ARFGEF1: variants seen among roughly 807,000 people sequenced by gnomAD.
The protein encoded by ARFGEF1 is brefeldin A-inhibited guanine nucleotide-exchange protein 1.
ARFGEF1 carries 42 observed loss-of-function variants against 231.0 expected under a neutral mutation model. That is an observed-to-expected ratio of 0.18 (90% CI 0.14 to 0.24). The LOEUF is 0.24. Ranked by LOEUF, ARFGEF1 falls within the 10% of genes least tolerant of loss-of-function variation. ARFGEF1 has a pLI of 1.00. For synonymous variants in ARFGEF1, 710 were observed against 732.3 expected, an observed-to-expected ratio of 0.97 and a Z score of 0.49; for missense variants, 1,345 against 2,192.0, an observed-to-expected ratio of 0.61 and a Z score of 7.72.
At chr8:67,270,592 C>T (rs985637933) in intron 10 of ARFGEF1, among the ~76,000 whole-genome samples, 2 of 151,142 alleles carry the variant, frequency 1.3e-5, no homozygotes, top group African/African-American at 4.9e-5. Flanking sequence ...AACATCACAA[C>T]CAAAACAACA....
chr8:67,182,189 G>C (rs761305363), intron 5 of ARFGEF1, among the ~76,000 whole-genome samples: 4 of 152,084 alleles, frequency 2.6e-5, no homozygotes, highest in Non-Finnish European at 5.9e-5. Context: ...TTTTTGTAGA[G>C]ACAGGGTTTC....
At chr8:67,191,597 A>G (rs1465298225) in intron 5 of ARFGEF1, among the ~76,000 whole-genome samples, 1 of 152,212 alleles carries the variant, frequency 6.6e-6, no homozygotes, top group East Asian at 1.9e-4. Flanking sequence ...AGCATGTGCC[A>G]GTACTGAAGC....
In ARFGEF1 at chr8:67,272,073, A is replaced by G. The variant is rs541679897; in HGVS notation, c.1338-137T>C. On this transcript the variant is annotated intron_variant, in intron 9 of 38. Coordinates refer to ENST00000262215, the MANE Select transcript of ARFGEF1 (RefSeq NM_006421.5). ...TAAATGGAGAGGAAGAGAAAATTCT[A>G]TAACATAAAAAAAGTACAGTACATG... 2.3e-4 allele frequency: 142 copies of G among 618,208 alleles called. 1 individual carries two copies. Among genetic ancestry groups the G allele is most frequent in the South Asian group, 1.4e-3 (63 of 45,700 alleles). 38.3% of individuals were successfully genotyped at this position (618,208 alleles called of 1,614,324 possible).
At chr8:67,206,410 TAAAAAA>T (rs747164390) in intron 34 of ARFGEF1, among the ~76,000 whole-genome samples, 6 of 102,040 alleles carry the variant, frequency 5.9e-5, no homozygotes, top group East Asian at 2.6e-4. Context: ...ATTTTATCTT[TAAAAAA>T]AAAAAAAAAA....
intron 1 of ARFGEF1, among the ~76,000 whole-genome samples, chr8:67,335,707 C>T (rs1808313656): frequency 6.6e-6 from 1 of 151,930 alleles, no homozygotes. Flanking sequence ...CATGGCGTTT[C>T]CTAAAGACAC....
intron 23 of ARFGEF1, among the ~76,000 whole-genome samples, chr8:67,232,025 C>T (rs1391453583): frequency 6.6e-6 from 1 of 151,830 alleles, no homozygotes; most frequent in Non-Finnish European, 1.5e-5. Flanking sequence ...GGAAAAAGTT[C>T]CATGGAGTAC....
In ARFGEF1 at chr8:67,321,160, T is replaced by C. The variant is rs182334969; in HGVS notation, c.125-18694A>G. On this transcript the variant is annotated intron_variant, in intron 1 of 38. Transcript: ENST00000262215. ...ATGTGAGAAATGGTGTGACTATAAGTATGGGGGGGGGTTTGGGGGTGCTAA... is the reference window on the plus strand; with the variant it reads ...ATGTGAGAAATGGTGTGACTATAAGCATGGGGGGGGGTTTGGGGGTGCTAA... 2.3e-5 allele frequency among the ~76,000 whole-genome samples: 3 copies of C among 132,746 alleles called. No individual in the cohort carries two copies. In the East Asian group the frequency reaches 7.5e-4, roughly 33 times the overall value. The allele number at this position is 132,746 out of a possible 152,430, so 87.1% of individuals were successfully genotyped here.
At chr8:67,179,881 G>C in intron 5 of ARFGEF1, 1 of 1,595,602 alleles carries the variant, frequency 6.3e-7, no homozygotes, top group Non-Finnish European at 8.6e-7. Context: ...TGACACTAGT[G>C]ATTTCTTGAA....
chr8:67,247,566 A>C (rs1259572874), intron 19 of ARFGEF1, among the ~76,000 whole-genome samples: 1 of 150,462 alleles, frequency 6.6e-6, no homozygotes, highest in Non-Finnish European at 1.5e-5. Context: ...AATATTCCTC[A>C]ACACAATGAA....
At chr8:67,340,857 C>G (rs1181075528) in intron 1 of ARFGEF1, among the ~76,000 whole-genome samples, 1 of 152,070 alleles carries the variant, frequency 6.6e-6, no homozygotes, top group African/African-American at 2.4e-5. Context: ...AATAGACAAC[C>G]CTGGTACAGT....
Position 67,258,222 on chromosome 8 carries a change from G to A in ARFGEF1, c.2304C>T (p.Asp768=). The change falls in exon 16 of 39, where the codon GAC becomes GAT. Residue 768 remains aspartate (D), a synonymous_variant. Coordinates refer to ENST00000262215, the MANE Select transcript of ARFGEF1 (RefSeq NM_006421.5). Reference sequence around the variant, plus strand: ...AGTCTTTTCCTGAAAAGTCATGTTGGTCCACATATGCATACATGACTTCTT... The same window carrying A: ...AGTCTTTTCCTGAAAAGTCATGTTGATCCACATATGCATACATGACTTCTT... ...FNKEVMYAYV[D]QHDFSGKDFV... 1.9e-6 allele frequency: 3 copies of A among 1,611,316 alleles called. No homozygotes were observed. The highest frequency in any genetic ancestry group is 2.5e-6 in the Non-Finnish European group (3 of 1,177,728).
chr8:67,318,955 AC>A (rs1273551746), intron 1 of ARFGEF1, among the ~76,000 whole-genome samples: 1 of 152,248 alleles, frequency 6.6e-6, no homozygotes, highest in Non-Finnish European at 1.5e-5. Flanking sequence ...ACAGAACGAG[AC>A]CCTGTCTCAA....
At chr8:67,275,235 A>T (rs938829390) in intron 9 of ARFGEF1, among the ~76,000 whole-genome samples, 1 of 73,264 alleles carries the variant, frequency 1.4e-5, no homozygotes, top group East Asian at 4.0e-4. Context: ...ATTGCAATAC[A>T]TCATGCTGCA....
rs757218498 is a variant in ARFGEF1 at position 67,238,905 on chromosome 8, A to C, written c.2980-12T>G. 6.2e-7 allele frequency: 1 copy of C among 1,611,410 alleles called. No homozygotes were observed. Among genetic ancestry groups the C allele is most frequent in the Non-Finnish European group, 8.5e-7 (1 of 1,177,936 alleles). ...GCATCTCTCTCCAGCTATAAAAAAG[A>C]GAAAAGTATGTTTACACAGTTCTAA... On this transcript the variant is annotated splice_polypyrimidine_tract_variant and intron_variant, in intron 20 of 38. Transcript: ENST00000262215.
chr8:67,176,262 A>G (rs1288752930), intron 5 of ARFGEF1, among the ~76,000 whole-genome samples: 1 of 152,150 alleles, frequency 6.6e-6, no homozygotes. Flanking sequence ...AGATAACAAG[A>G]GTGGAAGGGA....
intron 1 of ARFGEF1, among the ~76,000 whole-genome samples, chr8:67,322,171 C>G (rs1354334662): frequency 6.6e-6 from 1 of 152,106 alleles, no homozygotes; most frequent in Non-Finnish European, 1.5e-5. Context: ...CAACTAAAAC[C>G]CCTTTCAGTG....
chr8:67,209,175 G>T (rs1838632013), intron 34 of ARFGEF1, among the ~76,000 whole-genome samples: 1 of 152,198 alleles, frequency 6.6e-6, no homozygotes, highest in Non-Finnish European at 1.5e-5. Context: ...ACAACTACAG[G>T]TGAAACAAAT....
chr8:67,299,068 G>T, intron 4 of ARFGEF1, 141 bp downstream of exon 4: 1 of 785,310 alleles, frequency 1.3e-6, no homozygotes, highest in Non-Finnish European at 1.9e-6. Flanking sequence ...ACAGGCATGA[G>T]CCACTGAGCC....
rs1805664583 is a variant in ARFGEF1, at chr8:67,284,406, T to C, written c.1027+3549A>G. 1.3e-5 allele frequency among the ~76,000 whole-genome samples: 2 copies of C among 152,144 alleles called. 1 individual carries two copies. The highest frequency in any genetic ancestry group is 4.8e-5 in the African/African-American group (2 of 41,444). ...CAGAGAAGGAAGGAGCTGATGGAGT[T>C]CTCCAAGTAAGCCTTTTATGTAATT... On this transcript the variant is annotated intron_variant, in intron 7 of 38. Coordinates refer to ENST00000262215, the MANE Select transcript of ARFGEF1 (RefSeq NM_006421.5).
Sources: gnomAD v4.1 joint callset for allele counts (sites outside exome capture counted in the v4.1 genomes callset) on GRCh38, gnomAD v4.1.1 for gene constraint, MANE v1.5 for transcripts, NCBI Gene and HGNC (gene_info 2026-07-23, HGNC 2026-07-21) for gene names.